Variants in FAM204A observed in about 807,000 individuals in gnomAD.
FAM204A encodes the protein family with sequence similarity 204 member A.
Under a neutral mutation model 35.4 loss-of-function variants are expected in FAM204A, and 16 were observed. The observed-to-expected ratio is 0.45, with a 90% CI of 0.31 to 0.69. FAM204A has a LOEUF of 0.69. FAM204A is among the 30% of genes least tolerant of loss of function. The probability of loss-of-function intolerance (pLI) is 0.07; values close to 1 mark genes in which losing one functional copy is unlikely to be tolerated. For missense variants in FAM204A, 240 were observed against 265.7 expected (o/e 0.90, Z 0.67); for synonymous variants, 76 against 86.9 (o/e 0.88, Z 0.70).
intron 7 of FAM204A, chr10:118,322,494 T>C (rs967560120): frequency 2.5e-5 from 10 of 394,918 alleles, no homozygotes; most frequent in South Asian, 1.1e-4. Context: ...ACAAAGTAAC[T>C]GGCCTCTTCA....
chr10:118,315,851 G>A (rs1423588350), intron 7 of FAM204A, among the ~76,000 whole-genome samples: 1 of 152,100 alleles, frequency 6.6e-6, no homozygotes, highest in Non-Finnish European at 1.5e-5. Context: ...ATTCTTATCA[G>A]AACAAAGCCA....
At chr10:118,335,975 T>TC (rs988467142) in intron 3 of FAM204A, 88 of 572,442 alleles carry the variant, frequency 1.5e-4, no homozygotes, top group African/African-American at 1.0e-3. Context: ...TTTTTTTTTT[T>TC]CCCCCTCCGT....
intron 7 of FAM204A, among the ~76,000 whole-genome samples, chr10:118,315,343 C>T (rs931811989): frequency 2.9e-4 from 44 of 152,030 alleles, no homozygotes; most frequent in African/African-American, 9.7e-4. Context: ...TGATTCAAAC[C>T]GCTTAATCTA....
At position 118,322,788 on chromosome 10, in the gene FAM204A, T is replaced by C. The variant is rs1052089157; in HGVS notation, c.543+3366A>G. Among the ~76,000 whole-genome samples, 8 of 152,062 alleles carry C rather than the reference T, an allele frequency of 5.3e-5. 1 individual carries two copies. The highest frequency in any genetic ancestry group is 1.9e-4 in the African/African-American group (8 of 41,412). On this transcript the variant is annotated intron_variant, in intron 7 of 8. Coordinates refer to ENST00000369183, the MANE Select transcript of FAM204A (RefSeq NM_022063.3). ...CAACTTTTTGAAAGTCTGAAATAAT[T>C]GCAAAATATAAAGGGTGTTGTTGTT... is the stretch of plus-strand genomic sequence containing the variant.
At chr10:118,314,436 G>GA (rs1310572933) in intron 7 of FAM204A, among the ~76,000 whole-genome samples, 13 of 152,156 alleles carry the variant, frequency 8.5e-5, no homozygotes, top group African/African-American at 3.1e-4. Flanking sequence ...TGTGGAGAAA[G>GA]AAAAAATATC....
chr10:118,333,149 A>C (rs1846318967), intron 6 of FAM204A, among the ~76,000 whole-genome samples: 1 of 152,318 alleles, frequency 6.6e-6, no homozygotes, highest in Non-Finnish European at 1.5e-5. Flanking sequence ...AGCAAGTTTC[A>C]GCTTGGCAGT....
At chr10:118,313,153 T>TA (rs111988854) in intron 7 of FAM204A, among the ~76,000 whole-genome samples, 1,856 of 144,746 alleles carry the variant, frequency 0.013, 15 homozygotes, top group Non-Finnish European at 0.02. Flanking sequence ...GTCATACATG[T>TA]AAAAAAAAAA....
rs1191696597 is a variant in FAM204A, at chr10:118,305,343, T to C, written c.*5514A>G. 1 of 152,326 alleles carries C rather than the reference T, an allele frequency of 6.6e-6. No individual in the cohort carries two copies. The highest frequency in any genetic ancestry group is 2.1e-4 in the South Asian group (1 of 4,822). 9.4% of individuals were successfully genotyped at this position (152,326 alleles called of 1,614,324 possible). A position where few individuals can be genotyped will look rare whatever the true frequency, so the allele number is the denominator to read the frequency against. Reference sequence around the variant, plus strand: ...CAAGCTAAAATAAAGGACACGTTAATGCAGTCTAAGAAAACTTTAAGCTTA... The same window carrying C: ...CAAGCTAAAATAAAGGACACGTTAACGCAGTCTAAGAAAACTTTAAGCTTA... On this transcript the variant is annotated 3_prime_UTR_variant, in exon 9 of 9. Transcript: ENST00000369183.
intron 6 of FAM204A, among the ~76,000 whole-genome samples, chr10:118,332,299 G>A (rs1236149586): frequency 6.6e-6 from 1 of 151,572 alleles, no homozygotes; most frequent in Admixed American, 6.6e-5. Context: ...GTTTTCTTAG[G>A]CAAATTATGC....
chr10:118,326,845 C>A (rs1281987025), intron 6 of FAM204A, among the ~76,000 whole-genome samples: 2 of 152,190 alleles, frequency 1.3e-5, no homozygotes, highest in East Asian at 3.8e-4. Flanking sequence ...TGACTATGAC[C>A]ATTAGGCTGA....
chr10:118,313,124 A>G (rs184498583), intron 7 of FAM204A, among the ~76,000 whole-genome samples: 2 of 152,226 alleles, frequency 1.3e-5, no homozygotes, highest in East Asian at 3.9e-4. Context: ...GTTCCTATCC[A>G]CTGAAAAACT....
At chr10:118,330,444 G>GCA (rs1170227161) in intron 6 of FAM204A, among the ~76,000 whole-genome samples, 1 of 152,136 alleles carries the variant, frequency 6.6e-6, no homozygotes, top group Non-Finnish European at 1.5e-5. Flanking sequence ...AGTGGAAAGA[G>GCA]CACAGGACTA....
rs972587708 is a variant in FAM204A at position 118,304,302 on chromosome 10, A to G, written c.*6555T>C. 1 of 152,216 alleles carries G rather than the reference A, an allele frequency of 6.6e-6. No homozygotes were observed. The highest frequency in any genetic ancestry group is 1.5e-5 in the Non-Finnish European group (1 of 68,040). 9.4% of individuals were successfully genotyped at this position (152,216 alleles called of 1,614,324 possible). Reference sequence around the variant, plus strand: ...CAGGTACCATGACACAACAAGTATAAATATGACCTACTTTACTAAATACTA... The same window carrying G: ...CAGGTACCATGACACAACAAGTATAGATATGACCTACTTTACTAAATACTA... On this transcript the variant is annotated 3_prime_UTR_variant, in exon 9 of 9. Coordinates refer to ENST00000369183, the MANE Select transcript of FAM204A (RefSeq NM_022063.3).
Position 118,302,516 on chromosome 10 carries a change from G to A in FAM204A, c.*8341C>T, listed in dbSNP as rs1480229331. The stretch of plus-strand genomic sequence containing the variant: ...ATTTCATAAAAATGTTTTCCAAGGT[G>A]CACAGAAACATCTGAGGACTTTAAT... On this transcript the variant is annotated 3_prime_UTR_variant, in exon 9 of 9. Transcript: ENST00000369183. 6.6e-6 allele frequency: 1 copy of A among 152,230 alleles called. No individual in the cohort carries two copies. Among genetic ancestry groups the A allele is most frequent in the Non-Finnish European group, 1.5e-5 (1 of 68,036 alleles). 9.4% of individuals were successfully genotyped at this position (152,230 alleles called of 1,614,324 possible).
At chr10:118,313,889 C>G (rs1336524781) in intron 7 of FAM204A, among the ~76,000 whole-genome samples, 1 of 152,182 alleles carries the variant, frequency 6.6e-6, no homozygotes, top group East Asian at 1.9e-4. Flanking sequence ...CCCAACATGG[C>G]TGTCCTGGTT....
rs1845844598 is a variant in FAM204A, at chr10:118,304,781, G to A, written c.*6076C>T. The A allele has an allele frequency of 6.6e-6, 1 of 152,206 alleles. No individual in the cohort carries two copies. Among genetic ancestry groups the A allele is most frequent in the Admixed American group, 6.5e-5 (1 of 15,286 alleles). 9.4% of individuals were successfully genotyped at this position (152,206 alleles called of 1,614,324 possible). A position where few individuals can be genotyped will look rare whatever the true frequency, so the allele number is the denominator to read the frequency against. ...TAATATGAACAGCTACTTTGACTCA[G>A]CTCTGTCAACACACCCAAGTAAAAA... On this transcript the variant is annotated 3_prime_UTR_variant, in exon 9 of 9. Coordinates refer to ENST00000369183, the MANE Select transcript of FAM204A (RefSeq NM_022063.3).
At chr10:118,313,798 G>GT (rs1396885451) in intron 7 of FAM204A, among the ~76,000 whole-genome samples, 3 of 152,156 alleles carry the variant, frequency 2.0e-5, no homozygotes, top group Admixed American at 2.0e-4. Context: ...TATTTGCCAT[G>GT]TAACATTAAC....
Position 118,303,008 on chromosome 10 carries a change from A to C in FAM204A, c.*7849T>G, listed in dbSNP as rs1227643174. Reference sequence around the variant, plus strand: ...ATTTTTAACAAGTGATTCTGCTTGCAGGAGGGCATGGATCCCACTTCAAGA... The same window carrying C: ...ATTTTTAACAAGTGATTCTGCTTGCCGGAGGGCATGGATCCCACTTCAAGA... On this transcript the variant is annotated 3_prime_UTR_variant, in exon 9 of 9. Transcript: ENST00000369183. The C allele has an allele frequency of 6.6e-6, 1 of 152,224 alleles. No homozygotes were observed. The highest frequency in any genetic ancestry group is 1.5e-5 in the Non-Finnish European group (1 of 68,036). 9.4% of individuals were successfully genotyped at this position (152,224 alleles called of 1,614,324 possible).
intron 2 of FAM204A, chr10:118,337,108 A>G: frequency 3.0e-6 from 1 of 333,086 alleles, no homozygotes; most frequent in Middle Eastern, 1.5e-3. Flanking sequence ...CAAGTTCAAG[A>G]TAATATTTAG....
Sources: gnomAD v4.1 joint callset for allele counts (sites outside exome capture counted in the v4.1 genomes callset) on GRCh38, gnomAD v4.1.1 for gene constraint, MANE v1.5 for transcripts, NCBI Gene and HGNC (gene_info 2026-07-23, HGNC 2026-07-21) for gene names.